AGPS: variants seen among roughly 807,000 people sequenced by gnomAD.
AGPS encodes the protein alkyldihydroxyacetonephosphate synthase, peroxisomal.
Under a neutral mutation model 90.7 loss-of-function variants are expected in AGPS, and 26 were observed. The observed-to-expected ratio is 0.29, with a 90% CI of 0.21 to 0.40. The LOEUF (loss-of-function observed/expected upper bound fraction) is 0.40, where lower values mean the gene tolerates loss of function less well. Ranked by LOEUF, AGPS falls within the 10% of genes least tolerant of loss-of-function variation. The pLI, the probability that AGPS is intolerant of heterozygous loss-of-function variation, is 1.00. For synonymous variants in AGPS, 294 were observed against 285.3 expected (o/e 1.03, Z -0.31); for missense variants, 540 against 816.1 (o/e 0.66, Z 4.12).
At chr2:177,476,538 T>C (rs950872842) in intron 10 of AGPS, among the ~76,000 whole-genome samples, 1 of 152,070 alleles carries the variant, frequency 6.6e-6, no homozygotes, top group Admixed American at 6.5e-5. Flanking sequence ...CTTTGTATTA[T>C]TTCAGTCTTT....
At chr2:177,395,733 T>G (rs1200654925) in intron 1 of AGPS, among the ~76,000 whole-genome samples, 1 of 152,256 alleles carries the variant, frequency 6.6e-6, no homozygotes, top group Admixed American at 6.5e-5. Context: ...TTGTGTATTA[T>G]TCCTTCCCTT....
intron 12 of AGPS, among the ~76,000 whole-genome samples, chr2:177,493,455 G>C (rs1688325879): frequency 6.6e-6 from 1 of 152,198 alleles, no homozygotes; most frequent in Admixed American, 6.5e-5. Flanking sequence ...TGAGGATAAA[G>C]AGTCAGAAAA....
intron 11 of AGPS, among the ~76,000 whole-genome samples, chr2:177,491,075 G>A (rs1231779145): frequency 5.3e-5 from 8 of 151,280 alleles, no homozygotes; most frequent in African/African-American, 1.7e-4. Context: ...GGCTGGTCTC[G>A]AACTCCTGAC....
At position 177,482,139 on chromosome 2, in the gene AGPS, C is replaced by T. The variant is rs1418338955; in HGVS notation, c.1186C>T (p.Pro396Ser). 6.2e-7 allele frequency: 1 copy of T among 1,602,788 alleles called. No individual in the cohort carries two copies. The highest frequency in any genetic ancestry group is 8.5e-7 in the Non-Finnish European group (1 of 1,173,196). The change falls in exon 11 of 20, where the codon CCT becomes TCT. Residue 396 changes from proline to serine, a missense_variant. Around this residue, in one of 2 missense-constraint regions of AGPS, gnomAD observed 405 missense variants for 692.1 expected, o/e 0.59. Coordinates refer to ENST00000264167, the MANE Select transcript of AGPS (RefSeq NM_003659.4). ...EYQKYGSVAF[P>S]NFEQGVACLR... Reference sequence around the variant, plus strand: ...CCAAAAGTATGGCTCAGTAGCTTTCCCTAATTTTGAACAAGGAGTAGCCTG... The same window carrying T: ...CCAAAAGTATGGCTCAGTAGCTTTCTCTAATTTTGAACAAGGAGTAGCCTG...
At chr2:177,410,600 A>G (rs1424489796) in intron 1 of AGPS, among the ~76,000 whole-genome samples, 2 of 152,184 alleles carry the variant, frequency 1.3e-5, no homozygotes, top group Non-Finnish European at 2.9e-5. Flanking sequence ...CCCAGTCACA[A>G]CTTAGTGGCT....
intron 10 of AGPS, among the ~76,000 whole-genome samples, chr2:177,473,787 T>C (rs1012552522): frequency 3.3e-5 from 5 of 152,246 alleles, no homozygotes; most frequent in African/African-American, 9.6e-5. Context: ...ATTTGGGACC[T>C]GGATGGATTT....
intron 10 of AGPS, among the ~76,000 whole-genome samples, chr2:177,472,985 G>T (rs888100285): frequency 6.6e-6 from 1 of 152,060 alleles, no homozygotes; most frequent in Non-Finnish European, 1.5e-5. Context: ...TTGCACTTTT[G>T]TTTTCTGGGA....
chr2:177,537,547 G>A (rs1278495951), intron 19 of AGPS, among the ~76,000 whole-genome samples: 3 of 152,118 alleles, frequency 2.0e-5, no homozygotes, highest in African/African-American at 4.8e-5. Flanking sequence ...GTAAATAGAA[G>A]CTTAATAGCC....
At chr2:177,534,566 C>CTTTCT (rs754752336) in intron 19 of AGPS, among the ~76,000 whole-genome samples, 19 of 107,440 alleles carry the variant, frequency 1.8e-4, no homozygotes, top group Non-Finnish European at 2.4e-4. Context: ...CATTAGTTTT[C>CTTTCT]TTTCTTTTCT....
At position 177,539,899 on chromosome 2, in the gene AGPS, T is replaced by C. The variant is rs1184359787; in HGVS notation, c.*1704T>C. On this transcript the variant is annotated 3_prime_UTR_variant, in exon 20 of 20. Transcript: ENST00000264167. Reference sequence around the variant, plus strand: ...TTTAAGCCCTTGATATTTGACCTAGTTGGACACTTGATGAGGAAGTTGCCT... The same window carrying C: ...TTTAAGCCCTTGATATTTGACCTAGCTGGACACTTGATGAGGAAGTTGCCT... The C allele has an allele frequency of 6.6e-6, 1 of 151,144 alleles. No homozygotes were observed. Among genetic ancestry groups the C allele is most frequent in the Non-Finnish European group, 1.5e-5 (1 of 67,812 alleles). The allele number at this position is 151,144 out of a possible 1,614,324, so 9.4% of individuals were successfully genotyped here. A position where few individuals can be genotyped will look rare whatever the true frequency, so the allele number is the denominator to read the frequency against.
At chr2:177,536,698 A>G (rs1034593133) in intron 19 of AGPS, among the ~76,000 whole-genome samples, 1 of 152,086 alleles carries the variant, frequency 6.6e-6, no homozygotes, top group Non-Finnish European at 1.5e-5. Flanking sequence ...TTTGAATTTA[A>G]GGTTTTTTTT....
intron 8 of AGPS, among the ~76,000 whole-genome samples, chr2:177,446,734 G>C (rs1686787683): frequency 6.6e-6 from 1 of 152,162 alleles, no homozygotes. Flanking sequence ...CAAGAGCTGA[G>C]AGTGACATGA....
chr2:177,460,024 A>G (rs543867000), intron 8 of AGPS, among the ~76,000 whole-genome samples: 74 of 152,340 alleles, frequency 4.9e-4, no homozygotes, highest in African/African-American at 1.7e-3. Context: ...GGGGACATGG[A>G]TAAAGCTGGA....
At chr2:177,480,168 G>A (rs773358787) in intron 10 of AGPS, among the ~76,000 whole-genome samples, 17 of 152,140 alleles carry the variant, frequency 1.1e-4, no homozygotes, top group Admixed American at 4.6e-4. Flanking sequence ...CAACAAGAGC[G>A]AAACTCCATC....
At chr2:177,427,439 A>T (rs1242755140) in intron 2 of AGPS, among the ~76,000 whole-genome samples, 1 of 152,106 alleles carries the variant, frequency 6.6e-6, no homozygotes, top group Non-Finnish European at 1.5e-5. Context: ...TTGTCATGTT[A>T]GGTTGTTAAT....
At chr2:177,494,263 G>C (rs1015695265) in intron 12 of AGPS, among the ~76,000 whole-genome samples, 1 of 152,134 alleles carries the variant, frequency 6.6e-6, no homozygotes, top group Admixed American at 6.5e-5. Context: ...ACTAAAGTCA[G>C]GTTCGTAACA....
rs1688764140 is a variant in AGPS, at chr2:177,508,113, G to A, written c.1607+82G>A. 4.6e-6 allele frequency: 5 copies of A among 1,088,118 alleles called. No individual in the cohort carries two copies. The Admixed American group carries it at 7.0e-5, about 15-fold the overall frequency. 67.4% of individuals were successfully genotyped at this position (1,088,118 alleles called of 1,614,324 possible). ...GTAATGTTTCTTTTTGTGTGAATAT[G>A]TAAGTTTAAAACATTTTATGAAGAA... On this transcript the variant is annotated intron_variant, in intron 16 of 19. Coordinates refer to ENST00000264167, the MANE Select transcript of AGPS (RefSeq NM_003659.4).
At chr2:177,430,826 A>C (rs1336353302) in intron 2 of AGPS, among the ~76,000 whole-genome samples, 1 of 152,182 alleles carries the variant, frequency 6.6e-6, no homozygotes, top group African/African-American at 2.4e-5. Flanking sequence ...CTATAAACTA[A>C]AATTTTTGAA....
At chr2:177,461,868 A>G (rs759746301) in intron 8 of AGPS, 25 bp from the exon 9 acceptor site, 1 of 1,601,074 alleles carries the variant, frequency 6.2e-7, no homozygotes, top group South Asian at 1.1e-5. Context: ...TTTTCACTGT[A>G]AAATGTTAAA....
Sources: gnomAD v4.1 joint callset for allele counts (sites outside exome capture counted in the v4.1 genomes callset) on GRCh38, gnomAD v4.1.1 for gene constraint, gnomAD v4.1.1 regional missense constraint, MANE v1.5 for transcripts, NCBI Gene and HGNC (gene_info 2026-07-23, HGNC 2026-07-21) for gene names.